Variants in PTPRS observed in about 807,000 individuals in gnomAD.
PTPRS encodes the protein protein tyrosine phosphatase receptor type S.
PTPRS carries 63 observed loss-of-function variants against 215.3 expected under a neutral mutation model. The observed-to-expected ratio is 0.29, with a 90% confidence interval of 0.24 to 0.36. The LOEUF is 0.36. Ranked by LOEUF, PTPRS falls within the 10% of genes least tolerant of loss-of-function variation. The probability of loss-of-function intolerance (pLI) is 1.00; values close to 1 mark genes in which losing one functional copy is unlikely to be tolerated. For synonymous variants in PTPRS, 1,404 were observed against 1,191.4 expected, an observed-to-expected ratio of 1.18 and a Z score of -3.68; for missense variants, 2,258 against 2,825.8, an observed-to-expected ratio of 0.80 and a Z score of 4.56.
chr19:5,327,129 AG>A (rs927565372), intron 1 of PTPRS, among the ~76,000 whole-genome samples: 6 of 152,186 alleles, frequency 3.9e-5, no homozygotes, highest in Non-Finnish European at 7.4e-5. Flanking sequence ...CGGTCTGCGC[AG>A]GGCTTGCCGT....
At position 5,260,170 on chromosome 19, in the gene PTPRS, CGTTTT is replaced by C. The variant is rs1002491569; in HGVS notation, c.595+630_595+634del. 1.4e-3 allele frequency among the ~76,000 whole-genome samples: 204 copies of C among 149,498 alleles called. 2 individuals carry two copies. The highest frequency in any genetic ancestry group is 4.8e-3 in the African/African-American group (195 of 40,674). Reference sequence around the variant, plus strand: ...AGCTGGAAGGCCCACTTTGCATGTTCGTTTTGTTTCTTTTTTTTTTTTTTTTTGAG... The same window carrying C: ...AGCTGGAAGGCCCACTTTGCATGTTCGTTTCTTTTTTTTTTTTTTTTTGAG... On this transcript the variant is annotated intron_variant, in intron 7 of 37. Transcript: ENST00000262963.
At position 5,219,888 on chromosome 19, in the gene PTPRS, G is replaced by A. The variant is rs12981952; in HGVS notation, c.3765+51C>T. The A allele has an allele frequency of 0.063, 99,421 of 1,571,538 alleles. 3,362 individuals carry two copies. The highest frequency in any genetic ancestry group is 0.069 in the Non-Finnish European group (79,569 of 1,146,240). On this transcript the variant is annotated intron_variant, in intron 22 of 37. Transcript: ENST00000262963. ...GTCAGGGCCCTGGGGAATGGGGTCT[G>A]CCTCATTCAGAGGTGTGTCTGGATG...
intron 1 of PTPRS, among the ~76,000 whole-genome samples, chr19:5,337,305 C>T (rs1004217541): frequency 6.6e-6 from 1 of 152,248 alleles, no homozygotes; most frequent in Admixed American, 6.5e-5. Context: ...CTTCTTCCCC[C>T]ACGCACACGG....
intron 19 of PTPRS, 135 bp from the exon 20 acceptor site, chr19:5,221,388 G>A: frequency 8.8e-7 from 1 of 1,142,210 alleles, no homozygotes; most frequent in Non-Finnish European, 1.2e-6. Flanking sequence ...ATCTAACACT[G>A]ACTGATCCCT....
intron 2 of PTPRS, among the ~76,000 whole-genome samples, chr19:5,276,329 T>C (rs2047358367): frequency 6.6e-6 from 1 of 151,918 alleles, no homozygotes; most frequent in South Asian, 2.1e-4. Context: ...TTCAAGTGAT[T>C]CTCCTACCTC....
chr19:5,288,171 A>C (rs740058), intron 1 of PTPRS, among the ~76,000 whole-genome samples: 28,087 of 152,140 alleles, frequency 0.18, 2,886 homozygotes, highest in Non-Finnish European at 0.24. Context: ...CAAACATGCA[A>C]TTAGATCAGA....
chr19:5,215,170 T>TG (rs2041307323), intron 28 of PTPRS, 119 bp downstream of exon 28: 1 of 1,368,270 alleles, frequency 7.3e-7, no homozygotes, highest in African/African-American at 1.4e-5. Flanking sequence ...GGCCTCCAGT[T>TG]GGAGCTGGAC....
In PTPRS at chr19:5,231,619, TTGGAGGGGGGGAGAACG is replaced by T. The variant is rs2043020523; in HGVS notation, c.1850-21_1850-5del. 2.4e-6 allele frequency: 1 copy of T among 408,728 alleles called. No individual in the cohort carries two copies. Among genetic ancestry groups the T allele is most frequent in the Non-Finnish European group, 3.2e-6 (1 of 316,230 alleles). 25.3% of individuals were successfully genotyped at this position (408,728 alleles called of 1,614,324 possible). On this transcript the variant is annotated splice_polypyrimidine_tract_variant and splice_region_variant and intron_variant, in intron 13 of 37. Transcript: ENST00000262963. ...TCTTGAGGGGGGGCTGACGGTTCTA[TTGGAGGGGGGGAGAACG>T]TGGGGGGGTGGGGAAGGGAGGTGGG...
chr19:5,289,499 TG>T (rs1446295541), intron 1 of PTPRS, among the ~76,000 whole-genome samples: 1 of 152,158 alleles, frequency 6.6e-6, no homozygotes, highest in Non-Finnish European at 1.5e-5. Context: ...GGCTCCCACC[TG>T]CCTCGGGGTC....
chr19:5,220,300 A>G lies in PTPRS; in HGVS notation c.3509T>C (p.Leu1170Pro). The G allele has an allele frequency of 1.9e-6, 3 of 1,614,134 alleles. No individual in the cohort carries two copies. Among genetic ancestry groups the G allele is most frequent in the Non-Finnish European group, 2.5e-6 (3 of 1,180,024 alleles). ...PLRKSRGGQF[L>P]TPLGSPEDMD... ...GTCCTCTGGGCTACCCAGCGGGGTC[A>G]GGAATTGGCCTCCACGAGACTTGCG... Residue 1170 changes from leucine (L) to proline (P), a missense_variant, in exon 21 of 38, where the codon CTG becomes CCG. Transcript: ENST00000262963.
chr19:5,311,111 C>A (rs1230609888), intron 1 of PTPRS, among the ~76,000 whole-genome samples: 1 of 152,112 alleles, frequency 6.6e-6, no homozygotes, highest in East Asian at 1.9e-4. Context: ...ATCTCCTGAC[C>A]TCGTGATCCA....
In PTPRS at chr19:5,318,380, C is replaced by T. The variant is rs79672087; in HGVS notation, c.-95+22284G>A. 6.5e-4 allele frequency among the ~76,000 whole-genome samples: 99 copies of T among 151,914 alleles called. 1 individual carries two copies. The East Asian group carries it at 0.019, about 29-fold the overall frequency. On this transcript the variant is annotated intron_variant, in intron 1 of 37. Transcript: ENST00000262963. ...GAAGAAGAAATGATGGAATGATGACCGTGAAATGCTGCGAGACGGAATGAG... is the reference window on the plus strand; with the variant it reads ...GAAGAAGAAATGATGGAATGATGACTGTGAAATGCTGCGAGACGGAATGAG...
At chr19:5,218,706 T>C in intron 24 of PTPRS, 81 bp downstream of exon 24, 1 of 1,571,670 alleles carries the variant, frequency 6.4e-7, no homozygotes, top group East Asian at 2.2e-5. Flanking sequence ...GGGCATCCCC[T>C]CTCCTGTGGG....
intron 11 of PTPRS, among the ~76,000 whole-genome samples, chr19:5,243,566 A>C (rs2044228057): frequency 1.4e-5 from 2 of 144,808 alleles, no homozygotes; most frequent in Admixed American, 1.4e-4. Context: ...TGCAACCTCC[A>C]CCTCCTGGGT....
intron 1 of PTPRS, among the ~76,000 whole-genome samples, chr19:5,323,597 C>A (rs549439519): frequency 6.6e-6 from 1 of 152,358 alleles, no homozygotes; most frequent in South Asian, 2.1e-4. Context: ...GGGGCGGGAC[C>A]ATGCCTGGTG....
At position 5,205,766 on chromosome 19, in the gene PTPRS, C is replaced by T. The variant is rs1326411527; in HGVS notation, c.*1008G>A. On this transcript the variant is annotated 3_prime_UTR_variant, in exon 38 of 38. Transcript: ENST00000262963. ...AGCACAGCCATACAGCCACTGTCCC[C>T]GAAGAAGTAGGATCCTCTCTGTCTC... 1.3e-5 allele frequency among the ~76,000 whole-genome samples: 2 copies of T among 152,066 alleles called. No individual in the cohort carries two copies. Among genetic ancestry groups the T allele is most frequent in the South Asian group, 4.1e-4 (2 of 4,820 alleles).
chr19:5,309,937 TC>T (rs1443466796), intron 1 of PTPRS, among the ~76,000 whole-genome samples: 1 of 152,110 alleles, frequency 6.6e-6, no homozygotes, highest in African/African-American at 2.4e-5. Context: ...CAGGGCTGGT[TC>T]CTCCTTTGCC....
In PTPRS at chr19:5,252,380, C is replaced by T. The variant is rs182757049; in HGVS notation, c.718+3728G>A. On this transcript the variant is annotated intron_variant, in intron 9 of 37. Transcript: ENST00000262963. ...TCACCTGAGGTCAGGAGTTTGAGAC[C>T]AGCCTGGCCAACATGGTGAAACCCT... Among the ~76,000 whole-genome samples, 355 of 152,006 alleles carry T rather than the reference C, an allele frequency of 2.3e-3. 1 individual carries two copies. Among genetic ancestry groups the T allele is most frequent in the African/African-American group, 8.2e-3 (338 of 41,452 alleles).
At chr19:5,335,093 G>A (rs1477180019) in intron 1 of PTPRS, among the ~76,000 whole-genome samples, 1 of 152,126 alleles carries the variant, frequency 6.6e-6, no homozygotes, top group Non-Finnish European at 1.5e-5. Flanking sequence ...TTACCCACGT[G>A]ACAGCGCGAC....
Sources: allele counts gnomAD v4.1 joint callset (sites outside exome capture counted in the v4.1 genomes callset), GRCh38; gene constraint gnomAD v4.1.1; transcripts MANE v1.5; gene names NCBI Gene and HGNC (gene_info 2026-07-23, HGNC 2026-07-21).